P4HA1: variants seen among roughly 807,000 people sequenced by gnomAD.
P4HA1 encodes prolyl 4-hydroxylase subunit alpha-1.
In P4HA1, 24 loss-of-function variants were observed where a neutral mutation model predicts 72.8. That is an observed-to-expected ratio of 0.33 (90% CI 0.24 to 0.46). The LOEUF (loss-of-function observed/expected upper bound fraction) is 0.46. Among genes scored for constraint, P4HA1 ranks in the 20% least tolerant of loss-of-function variants. The pLI is 1.00. For missense variants in P4HA1, 446 were observed against 640.6 expected (o/e 0.70, Z 3.28); for synonymous variants, 201 against 218.8 (o/e 0.92, Z 0.72).
intron 12 of P4HA1, among the ~76,000 whole-genome samples, chr10:73,012,027 T>G (rs1164888980): frequency 6.6e-6 from 1 of 152,188 alleles, no homozygotes. Context: ...ATTTGAGATA[T>G]TCTATGTGCC....
intron 14 of P4HA1, among the ~76,000 whole-genome samples, chr10:73,008,756 T>C (rs1328174490): frequency 1.3e-5 from 2 of 151,922 alleles, no homozygotes; most frequent in East Asian, 3.8e-4. Flanking sequence ...TGTATGCTCA[T>C]CAAGTTTCCA....
chr10:73,036,521 G>C (rs1007402311), intron 9 of P4HA1, among the ~76,000 whole-genome samples: 1 of 151,704 alleles, frequency 6.6e-6, no homozygotes, highest in African/African-American at 2.4e-5. Context: ...CTCAGCCTCC[G>C]GAGTAACTGG....
chr10:73,018,002 C>T (rs1226341121), intron 10 of P4HA1, among the ~76,000 whole-genome samples: 1 of 152,156 alleles, frequency 6.6e-6, no homozygotes, highest in East Asian at 1.9e-4. Context: ...CCAGTAGCCA[C>T]AGCACCCCTT....
At chr10:73,009,089 A>G (rs1355272378) in intron 14 of P4HA1, among the ~76,000 whole-genome samples, 1 of 152,174 alleles carries the variant, frequency 6.6e-6, no homozygotes, top group African/African-American at 2.4e-5. Context: ...TCCTCATTCT[A>G]GTCCAGTGGT....
At chr10:73,030,851 G>A (rs1840417752) in intron 9 of P4HA1, among the ~76,000 whole-genome samples, 1 of 152,136 alleles carries the variant, frequency 6.6e-6, no homozygotes. Context: ...CACACCTACT[G>A]AAGGATGGAC....
chr10:73,075,723 AT>A (rs1007216848), intron 1 of P4HA1, among the ~76,000 whole-genome samples: 10 of 149,000 alleles, frequency 6.7e-5, no homozygotes, highest in African/African-American at 7.7e-5. Context: ...TTTTTCATAT[AT>A]ATTTTATATA....
At chr10:73,042,754 CAG>C (rs1284936300) in intron 9 of P4HA1, among the ~76,000 whole-genome samples, 1 of 151,550 alleles carries the variant, frequency 6.6e-6, no homozygotes. Flanking sequence ...TTTTACCTAT[CAG>C]GGGACATTTG....
chr10:73,082,288 T>C (rs918827138), intron 1 of P4HA1, among the ~76,000 whole-genome samples: 16 of 152,192 alleles, frequency 1.1e-4, no homozygotes, highest in African/African-American at 3.6e-4. Flanking sequence ...TATATTTACA[T>C]TGAGTTATGA....
intron 11 of P4HA1, 60 bp downstream of exon 11, chr10:73,016,786 T>C: frequency 7.7e-7 from 1 of 1,298,992 alleles, no homozygotes; most frequent in Non-Finnish European, 1.1e-6. Context: ...TTGTTTTGTT[T>C]TGAGACAAAC....
chr10:73,090,409 C>T (rs904176010), intron 1 of P4HA1, among the ~76,000 whole-genome samples: 5 of 152,224 alleles, frequency 3.3e-5, no homozygotes, highest in Non-Finnish European at 7.3e-5. Context: ...GTTGGGATTA[C>T]AGGCCTAAGC....
intron 9 of P4HA1, among the ~76,000 whole-genome samples, chr10:73,034,682 G>C (rs1439253889): frequency 6.6e-6 from 1 of 151,288 alleles, no homozygotes; most frequent in Non-Finnish European, 1.5e-5. Flanking sequence ...CAACCTTCCG[G>C]GCTCAGGTGA....
At chr10:73,037,993 T>C (rs1344210425) in intron 9 of P4HA1, among the ~76,000 whole-genome samples, 1 of 152,086 alleles carries the variant, frequency 6.6e-6, no homozygotes, top group East Asian at 1.9e-4. Context: ...TGGTGGCTCA[T>C]GCCTGTAATC....
chr10:73,073,797 T>A lies in P4HA1; in HGVS notation c.107A>T (p.Lys36Ile). Reference sequence around the variant, plus strand: ...ATCTTTCAGAGAAGTCACCAGATCTTTCTCAGTATGGATCAAATCAGTCAT... The same window carrying A: ...ATCTTTCAGAGAAGTCACCAGATCTATCTCAGTATGGATCAAATCAGTCAT... ...GQMTDLIHTE[K>I]DLVTSLKDYI... Residue 36 changes from lysine (K) to isoleucine (I), a missense_variant, in exon 3 of 15, where the codon AAA (lysine) becomes ATA (isoleucine). By Grantham distance (102) the Lys-to-Ile change is moderately radical. Coordinates refer to ENST00000394890, the MANE Select transcript of P4HA1 (RefSeq NM_001017962.3). 1 of 1,581,806 alleles carries A rather than the reference T, an allele frequency of 6.3e-7. No individual in the cohort carries two copies. The highest frequency in any genetic ancestry group is 8.7e-7 in the Non-Finnish European group (1 of 1,151,180).
At chr10:73,008,564 A>C (rs1251776465) in intron 14 of P4HA1, among the ~76,000 whole-genome samples, 1 of 152,170 alleles carries the variant, frequency 6.6e-6, no homozygotes, top group Admixed American at 6.5e-5. Context: ...CATTTCTTAC[A>C]GTTTCCAATG....
intron 9 of P4HA1, among the ~76,000 whole-genome samples, chr10:73,041,548 C>CCA (rs1554839917): frequency 5.4e-5 from 6 of 110,334 alleles, no homozygotes; most frequent in Admixed American, 9.1e-5. Flanking sequence ...ATCCCCCCCC[C>CCA]AAAAAAAAAA....
intron 10 of P4HA1, among the ~76,000 whole-genome samples, chr10:73,017,369 G>A (rs1363931847): frequency 6.6e-6 from 1 of 151,814 alleles, no homozygotes; most frequent in Non-Finnish European, 1.5e-5. Flanking sequence ...AGGCTGGAGT[G>A]CAGTGATGCA....
chr10:73,089,808 T>C (rs941863785), intron 1 of P4HA1, among the ~76,000 whole-genome samples: 10 of 151,684 alleles, frequency 6.6e-5, no homozygotes, highest in African/African-American at 2.2e-4. Context: ...AATGGTTTCC[T>C]AGGGATACAG....
At chr10:73,033,293 C>T (rs1345181507) in intron 9 of P4HA1, among the ~76,000 whole-genome samples, 1 of 152,170 alleles carries the variant, frequency 6.6e-6, no homozygotes, top group Non-Finnish European at 1.5e-5. Flanking sequence ...AACCTATCAC[C>T]CACAGAGAAC....
chr10:73,043,787 A>C, intron 9 of P4HA1: 1 of 858,094 alleles, frequency 1.2e-6, no homozygotes, highest in Non-Finnish European at 2.0e-6. Flanking sequence ...ATGCCTAACC[A>C]CCTAGGTCTT....
Sources: allele counts gnomAD v4.1 joint callset (sites outside exome capture counted in the v4.1 genomes callset), GRCh38; gene constraint gnomAD v4.1.1; transcripts MANE v1.5; gene names NCBI Gene and HGNC (gene_info 2026-07-23, HGNC 2026-07-21).